Variants in ZNF329 observed in about 807,000 individuals in gnomAD.
The protein encoded by ZNF329 is zinc finger protein 329.
In ZNF329, 15 loss-of-function variants were observed where a neutral mutation model predicts 26.6. The ratio of observed to expected loss-of-function variants is 0.56; its 90% CI spans 0.38 to 0.87. The LOEUF is 0.87. Ranked by LOEUF, ZNF329 falls within the 40% of genes least tolerant of loss-of-function variation. The pLI is 0.00. For missense variants in ZNF329, 651 were observed against 651.9 expected (o/e 1.00, Z 0.02); for synonymous variants, 239 against 233.5 (o/e 1.02, Z -0.21).
upstream of ZNF329, among the ~76,000 whole-genome samples, chr19:58,151,897 T>C (rs1364815279): frequency 6.6e-6 from 1 of 152,152 alleles, no homozygotes; most frequent in Non-Finnish European, 1.5e-5. Context: ...AATCAAAACC[T>C]GAAAATCTGA....
intron 1 of ZNF329, among the ~76,000 whole-genome samples, chr19:58,147,664 G>A (rs1404842928): frequency 6.9e-6 from 1 of 145,762 alleles, no homozygotes; most frequent in Non-Finnish European, 1.5e-5. Flanking sequence ...CCCCCCGCCC[G>A]GCCAGCCGCC....
Position 58,128,264 on chromosome 19 carries a change from G to A in ZNF329, c.1240C>T (p.Leu414Phe), listed in dbSNP as rs779730102. Residue 414 changes from leucine (L) to phenylalanine (F), a missense_variant, in exon 4 of 4, where the codon CTC (leucine) becomes TTC (phenylalanine). Physicochemically the swap from Leu to Phe is conservative, Grantham distance 22. Transcript: ENST00000598312. ...GTATGAATCCTCTGATGCCTGATGA[G>A]GTACGCACTCTCGATGAAAGTCTTG... ...CGKTFIESAY[L>F]IRHQRIHTGE... The A allele has an allele frequency of 6.2e-7, 1 of 1,606,970 alleles. No homozygotes were observed. Among genetic ancestry groups the A allele is most frequent in the East Asian group, 2.2e-5 (1 of 44,836 alleles).
rs148562357 is a variant in ZNF329, at chr19:58,128,836, C to T, written c.668G>A (p.Arg223Gln). 336 of 1,609,714 alleles carry T rather than the reference C, an allele frequency of 2.1e-4. No individual in the cohort carries two copies. The highest frequency in any genetic ancestry group is 2.7e-4 in the Non-Finnish European group (315 of 1,178,160). Residue 223 changes from arginine (R) to glutamine (Q), a missense_variant, in exon 4 of 4, where the codon CGA (arginine) becomes CAA (glutamine). By Grantham distance (43) the Arg-to-Gln change is conservative. Coordinates refer to ENST00000598312, the MANE Select transcript of ZNF329 (RefSeq NM_024620.4). ...ATAAGGCTTCTCTCCGGTGTGAGTT[C>T]GGTGATGCAAAACAAGAGAAGAGTT... Reference protein sequence around the residue: ...KRNSSLVLHHRTHTGEKPYTC... With the variant: ...KRNSSLVLHHQTHTGEKPYTC...
intron 3 of ZNF329, among the ~76,000 whole-genome samples, 183 bp from the exon 4 acceptor site, chr19:58,129,694 A>G (rs2146060227): frequency 6.6e-6 from 1 of 152,358 alleles, no homozygotes; most frequent in South Asian, 2.1e-4. Context: ...ACAGATTCAA[A>G]AAGAGCCATG....
At chr19:58,135,817 C>T (rs1821789571) in intron 3 of ZNF329, among the ~76,000 whole-genome samples, 1 of 151,920 alleles carries the variant, frequency 6.6e-6, no homozygotes, top group African/African-American at 2.4e-5. Context: ...AAGCCAGTAA[C>T]AGAAAGAAAA....
At chr19:58,139,354 C>A (rs2075136701) in intron 3 of ZNF329, among the ~76,000 whole-genome samples, 1 of 152,176 alleles carries the variant, frequency 6.6e-6, no homozygotes, top group South Asian at 2.1e-4. Context: ...GGCGAAGGAT[C>A]TTGTCTTAGT....
rs2074874013 is a variant in ZNF329, at chr19:58,129,077, T to C, written c.427A>G (p.Arg143Gly). 6.2e-7 allele frequency: 1 copy of C among 1,613,956 alleles called. No individual in the cohort carries two copies. The highest frequency in any genetic ancestry group is 1.7e-5 in the Admixed American group (1 of 60,008). ...MEVIHGRNPV[R>G]EKPYKYPESV... ...TCAGGGTATTTGTAGGGCTTCTCTC[T>C]CACTGGATTTCTTCCATGAATAACT... is the stretch of plus-strand genomic sequence containing the variant. Residue 143 changes from arginine to glycine, a missense_variant, in exon 4 of 4, where the codon AGA becomes GGA. Physicochemically the swap from Arg to Gly is moderately radical, Grantham distance 125. Coordinates refer to ENST00000598312, the MANE Select transcript of ZNF329 (RefSeq NM_024620.4).
rs528539961 is a variant in ZNF329 at position 58,136,231 on chromosome 19, A to G, written c.-9+6326T>C. ...GGTGACAGAGCGAGACTCCATCTCA[A>G]AAAAAAAAAAGAAAAAAAAGAAAAG... is the stretch of plus-strand genomic sequence containing the variant. On this transcript the variant is annotated intron_variant, in intron 3 of 3. Coordinates refer to ENST00000598312, the MANE Select transcript of ZNF329 (RefSeq NM_024620.4). Among the ~76,000 whole-genome samples, 374 of 149,326 alleles carry G rather than the reference A, an allele frequency of 2.5e-3. 3 individuals are homozygous for G. Among genetic ancestry groups the G allele is most frequent in the Non-Finnish European group, 4.0e-3 (265 of 67,028 alleles).
At chr19:58,132,996 T>G (rs867339665) in intron 3 of ZNF329, among the ~76,000 whole-genome samples, 2 of 151,924 alleles carry the variant, frequency 1.3e-5, no homozygotes, top group Non-Finnish European at 2.9e-5. Context: ...GTACTTTTAG[T>G]AGAGACAGGG....
At chr19:58,139,013 A>C (rs1266576676) in intron 3 of ZNF329, among the ~76,000 whole-genome samples, 1 of 152,202 alleles carries the variant, frequency 6.6e-6, no homozygotes, top group Non-Finnish European at 1.5e-5. Context: ...AATCAGACAT[A>C]TACAGGGTGA....
chr19:58,146,061 A>G (rs7252129), intron 1 of ZNF329, among the ~76,000 whole-genome samples: 31,658 of 151,992 alleles, frequency 0.21, 3,679 homozygotes, highest in Non-Finnish European at 0.27. Flanking sequence ...AAATAACATG[A>G]CAAGTCAATG....
At chr19:58,138,505 C>T (rs1190806307) in intron 3 of ZNF329, among the ~76,000 whole-genome samples, 5 of 152,184 alleles carry the variant, frequency 3.3e-5, no homozygotes, top group Non-Finnish European at 5.9e-5. Context: ...ATGCTCCCAG[C>T]TGTCACCCCT....
intron 3 of ZNF329, among the ~76,000 whole-genome samples, chr19:58,133,760 A>G (rs992321652): frequency 6.6e-6 from 1 of 151,996 alleles, no homozygotes; most frequent in Non-Finnish European, 1.5e-5. Flanking sequence ...GCACTTTGGG[A>G]GGTCGAGGTG....
At chr19:58,146,090 T>TCCTGGATC (rs2146122527) in intron 1 of ZNF329, among the ~76,000 whole-genome samples, 1 of 151,886 alleles carries the variant, frequency 6.6e-6, no homozygotes, top group South Asian at 2.1e-4. Flanking sequence ...GATCCTGGAT[T>TCCTGGATC]GGATCCTGGA....
rs565227643 is a variant in ZNF329 at position 58,131,895 on chromosome 19, C to T, written c.-8-2384G>A. 4.5e-3 allele frequency among the ~76,000 whole-genome samples: 681 copies of T among 151,870 alleles called. 7 individuals carry two copies. The highest frequency in any genetic ancestry group is 0.015 in the African/African-American group (617 of 41,410). On this transcript the variant is annotated intron_variant, in intron 3 of 3. Coordinates refer to ENST00000598312, the MANE Select transcript of ZNF329 (RefSeq NM_024620.4). ...AAAATTAGCCAGGCGTGGTGGCGGG[C>T]GCCTGTAGTCCCAGCTACTTGGGAG... is the stretch of plus-strand genomic sequence containing the variant.
At chr19:58,138,102 G>A (rs2075112293) in intron 3 of ZNF329, among the ~76,000 whole-genome samples, 1 of 152,196 alleles carries the variant, frequency 6.6e-6, no homozygotes, top group South Asian at 2.1e-4. Flanking sequence ...TCCTAGGAAT[G>A]TAAGGACTAG....
At chr19:58,146,423 G>C (rs190827802) in intron 1 of ZNF329, among the ~76,000 whole-genome samples, 1 of 151,974 alleles carries the variant, frequency 6.6e-6, no homozygotes, top group Non-Finnish European at 1.5e-5. Context: ...GCAGTGAGCC[G>C]AGATCGCTCC....
rs1222609989 is a variant in ZNF329, at chr19:58,128,510, CT to C, written c.993del (p.Val332CysfsTer139). ...TCACCGGTGTGGATTCTGAGATGCA[CT>C]GTAAGGTGGGAGATGTCAGTGAAGG... The part of the protein sequence containing the change: ...GKPFTDISHL[T>X]VHLRIHTGEK... On this transcript the variant is annotated frameshift_variant, in exon 4 of 4. Transcript: ENST00000598312. LOFTEE classifies it high-confidence loss of function. The C allele has an allele frequency of 6.2e-7, 1 of 1,614,072 alleles. No individual in the cohort carries two copies.
intron 3 of ZNF329, among the ~76,000 whole-genome samples, chr19:58,133,004 G>T (rs185791): frequency 0.71 from 107,261 of 151,768 alleles, 40,024 homozygotes; most frequent in Non-Finnish European, 0.84. Context: ...AGTAGAGACA[G>T]GGTTTCACTA....
Sources: allele counts gnomAD v4.1 joint callset (sites outside exome capture counted in the v4.1 genomes callset), GRCh38; gene constraint gnomAD v4.1.1; transcripts MANE v1.5; gene names NCBI Gene and HGNC (gene_info 2026-07-23, HGNC 2026-07-21).